The following MED16 variants were observed in gnomAD, a reference collection of about 807,000 sequenced individuals.
MED16 encodes mediator complex subunit 16.
MED16 carries 81 observed loss-of-function variants against 84.4 expected under a neutral mutation model. The ratio of observed to expected loss-of-function variants is 0.96; its 90% CI spans 0.80 to 1.15. MED16 has a LOEUF of 1.15. Ranked by LOEUF, MED16 falls within the 50% of genes most tolerant of loss-of-function variation. The pLI, the probability that MED16 is intolerant of heterozygous loss-of-function variation, is 0.00. For synonymous variants in MED16, 897 were observed against 552.2 expected (o/e 1.62, Z -8.76); for missense variants, 1,585 against 1,245.9 (o/e 1.27, Z -4.10).
chr19:885,549 A>C (rs566908884), intron 5 of MED16, among the ~76,000 whole-genome samples: 1 of 152,168 alleles, frequency 6.6e-6, no homozygotes, highest in African/African-American at 2.4e-5. Flanking sequence ...CGCTGTGGCC[A>C]CGAAGCGGGA....
chr19:875,250 C>A lies in MED16; in HGVS notation c.1765G>T (p.Asp589Tyr). Residue 589 changes from aspartate to tyrosine, a missense_variant, in exon 10 of 16, where the codon GAC becomes TAC. Coordinates refer to ENST00000325464, the MANE Select transcript of MED16 (RefSeq NM_005481.3). Reference sequence around the variant, plus strand: ...GGCGTGGAAAAGGACCCACCGACGTCGGTGATCTTGGTGCAGATCTCGGTC... The same window carrying A: ...GGCGTGGAAAAGGACCCACCGACGTAGGTGATCTTGGTGCAGATCTCGGTC... ...RLTEICTKIT[D>Y]VDIDKVMINL... 6.2e-7 allele frequency: 1 copy of A among 1,606,524 alleles called. No individual in the cohort carries two copies. Among genetic ancestry groups the A allele is most frequent in the Non-Finnish European group, 8.5e-7 (1 of 1,176,404 alleles).
At chr19:873,389 G>T in intron 11 of MED16, 60 bp downstream of exon 11, 2 of 1,552,500 alleles carry the variant, frequency 1.3e-6, no homozygotes, top group Non-Finnish European at 1.7e-6. Context: ...AGGGAAGCGG[G>T]GTCCTGATGA....
rs188355485 is a variant in MED16 at position 881,862 on chromosome 19, G to A, written c.986-148C>T. ...CCTGCTCCCATGCCCAGAAGACCAGGCCCGGCCAATCCGAGCGCTTCGTGC... is the reference window on the plus strand; with the variant it reads ...CCTGCTCCCATGCCCAGAAGACCAGACCCGGCCAATCCGAGCGCTTCGTGC... On this transcript the variant is annotated intron_variant, in intron 6 of 15. Coordinates refer to ENST00000325464, the MANE Select transcript of MED16 (RefSeq NM_005481.3). The A allele has an allele frequency of 6.9e-4, 680 of 979,982 alleles. 5 individuals carry two copies. In the African/African-American group the frequency reaches 9.2e-3, roughly 13 times the overall value. 60.7% of individuals were successfully genotyped at this position (979,982 alleles called of 1,614,324 possible).
In MED16 at chr19:877,073, G is replaced by A; in HGVS notation, c.1461C>T (p.Asp487=). 2 of 1,612,726 alleles carry A rather than the reference G, an allele frequency of 1.2e-6. No homozygotes were observed. The highest frequency in any genetic ancestry group is 1.1e-5 in the South Asian group (1 of 91,086). Residue 487 remains aspartate (D), a synonymous_variant, in exon 9 of 16, where the codon GAC becomes GAT. Coordinates refer to ENST00000325464, the MANE Select transcript of MED16 (RefSeq NM_005481.3). ...LLEYCMVTGY[D]WWDILLHVQP... ...GCACGTGCAGCAGGATGTCCCACCA[G>A]TCGTAGCCGGTCACCATGCAGTACT...
Position 884,946 on chromosome 19 carries a change from C to T in MED16, c.942G>A (p.Glu314=), listed in dbSNP as rs1392961109. 2 of 1,609,806 alleles carry T rather than the reference C, an allele frequency of 1.2e-6. No homozygotes were observed. The highest frequency in any genetic ancestry group is 2.2e-5 in the South Asian group (2 of 90,766). Residue 314 remains glutamate, a synonymous_variant, in exon 6 of 16, where the codon GAG becomes GAA. Transcript: ENST00000325464. ...GGAAGATGTTGTTCACGGGGAGTCCCTCCTTGCGCAGGGACCAGCACTCCA... is the reference window on the plus strand; with the variant it reads ...GGAAGATGTTGTTCACGGGGAGTCCTTCCTTGCGCAGGGACCAGCACTCCA... The part of the protein sequence containing the change: ...SIVECWSLRK[E]GLPVNNIFQQ...
rs144263769 is a variant in MED16 at position 868,230 on chromosome 19, C to T, written c.2505G>A (p.Pro835=). 9.7e-5 allele frequency: 155 copies of T among 1,597,302 alleles called. 1 individual carries two copies. The African/African-American group carries it at 1.5e-3, about 16-fold the overall frequency. Residue 835 remains proline, a synonymous_variant, in exon 16 of 16, where the codon CCG becomes CCA. Transcript: ENST00000325464. ...AAGCTCTGCTGGTCACGCAGGCGTC[C>T]GGCCCACGGCCTTCAACAGCCCTGC... ...KNCLAVEGRG[P]DACVTSRASE...
chr19:892,874 AGCCCCGAGCCCCGC>A (rs1185215035), intron 1 of MED16, 198 bp downstream of exon 1: 1,920 of 84,108 alleles, frequency 0.023, 21 homozygotes, highest in African/African-American at 0.033. Flanking sequence ...GCAAACCCTG[AGCCCCGAGCCCCGC>A]GCCCCGCGCC....
chr19:885,714 G>A lies in MED16; in HGVS notation c.879+56C>T. ...CGGGTCTCCACCCCCAGGACCCTGA[G>A]AAGCAGTGCTTCATTCCAAGCCTGC... On this transcript the variant is annotated intron_variant, in intron 5 of 15. Transcript: ENST00000325464. 5 of 1,573,212 alleles carry A rather than the reference G, an allele frequency of 3.2e-6. No individual in the cohort carries two copies. The South Asian group carries it at 3.4e-5, about 11-fold the overall frequency.
At chr19:872,218 G>T in intron 11 of MED16, 100 bp from the exon 12 acceptor site, 1 of 969,810 alleles carries the variant, frequency 1.0e-6, no homozygotes, top group Non-Finnish European at 1.5e-6. Flanking sequence ...GGGGGCAATG[G>T]GCAGGGTCTG....
At chr19:889,919 G>T (rs565713710) in intron 3 of MED16, 112 bp from the exon 4 acceptor site, 2 of 1,313,414 alleles carry the variant, frequency 1.5e-6, no homozygotes, top group Non-Finnish European at 2.1e-6. Flanking sequence ...CTCGGCCCAG[G>T]TAGGGCACAG....
chr19:878,346 T>C (rs1267959759), intron 8 of MED16, among the ~76,000 whole-genome samples: 1 of 97,366 alleles, frequency 1.0e-5, no homozygotes, highest in Non-Finnish European at 2.0e-5. Context: ...CCCGTGGTTG[T>C]CAATGCCCAC....
chr19:875,519 G>A (rs920662381), intron 9 of MED16, 65 bp from the exon 10 acceptor site: 3 of 1,339,822 alleles, frequency 2.2e-6, no homozygotes, highest in Non-Finnish European at 3.1e-6. Context: ...GGCTCCAGCT[G>A]AGGAGAAGAG....
rs2035979222 is a variant in MED16 at position 868,872 on chromosome 19, G to A, written c.2390C>T (p.Ala797Val). 1 of 1,549,766 alleles carries A rather than the reference G, an allele frequency of 6.5e-7. No homozygotes were observed. Among genetic ancestry groups the A allele is most frequent in the South Asian group, 1.2e-5 (1 of 84,316 alleles). The change falls in exon 14 of 16, where the codon GCC becomes GTC. Residue 797 changes from alanine (A) to valine (V), a missense_variant. Physicochemically the swap from Ala to Val is moderately conservative, Grantham distance 64 (BLOSUM62 0). Coordinates refer to ENST00000325464, the MANE Select transcript of MED16 (RefSeq NM_005481.3). ...TCCGGGGGCCCCTCACCTGGTGCAGGCCTTGCATTCCTCCGTGGGGCAAGC... is the reference window on the plus strand; with the variant it reads ...TCCGGGGGCCCCTCACCTGGTGCAGACCTTGCATTCCTCCGTGGGGCAAGC... ...LGACPTEECK[A>V]CTRCGCVTML... is the part of the protein sequence containing the mutation.
intron 4 of MED16, among the ~76,000 whole-genome samples, chr19:888,059 CCGGGCGTGGTGG>C (rs1191091033): frequency 1.3e-5 from 2 of 151,748 alleles, no homozygotes; most frequent in Admixed American, 1.3e-4. Flanking sequence ...AAAAAAGCAG[CCGGGCGTGGTGG>C]CGGGCGCCTG....
At chr19:876,083 G>A (rs148851351) in intron 9 of MED16, among the ~76,000 whole-genome samples, 3 of 152,142 alleles carry the variant, frequency 2.0e-5, no homozygotes, top group African/African-American at 4.8e-5. Flanking sequence ...GTTTAGCCTC[G>A]CAGCCCCCGC....
chr19:880,277 G>C (rs1400414029), intron 7 of MED16, 129 bp from the exon 8 acceptor site: 11 of 775,528 alleles, frequency 1.4e-5, no homozygotes, highest in Non-Finnish European at 2.1e-5. Context: ...CCGCCAATCG[G>C]CATCCAGCGC....
intron 11 of MED16, 115 bp downstream of exon 11, chr19:873,333 GA>G: frequency 6.4e-6 from 2 of 314,434 alleles, no homozygotes; most frequent in Non-Finnish European, 8.9e-6. Context: ...GTAGGGGCGG[GA>G]CTCCAACTAG....
intron 12 of MED16, 128 bp downstream of exon 12, chr19:871,789 GCGGGGAGAA>G (rs1568319317): frequency 4.1e-5 from 15 of 369,400 alleles, no homozygotes; most frequent in South Asian, 2.5e-4. Context: ...AGAGGGGAGA[GCGGGGAGAA>G]GGGAGAGCGG....
intron 1 of MED16, among the ~76,000 whole-genome samples, chr19:892,167 G>C (rs907048592): frequency 6.6e-6 from 1 of 152,070 alleles, no homozygotes; most frequent in Non-Finnish European, 1.5e-5. Context: ...CAAAAGCCCA[G>C]GGAGCCTGGA....
Sources: allele counts gnomAD v4.1 joint callset (sites outside exome capture counted in the v4.1 genomes callset), GRCh38; gene constraint gnomAD v4.1.1; transcripts MANE v1.5; gene names NCBI Gene and HGNC (gene_info 2026-07-23, HGNC 2026-07-21).